The following TRAF3IP1 variants were observed in gnomAD, a reference collection of about 807,000 sequenced individuals.
TRAF3IP1 encodes intraflagellar transport 54, also known as TRAF3-interacting protein 1.
TRAF3IP1 carries 53 observed loss-of-function variants against 89.9 expected under a neutral mutation model. That is an observed-to-expected ratio of 0.59 (90% CI 0.47 to 0.74). The LOEUF (loss-of-function observed/expected upper bound fraction) is 0.74. Among genes scored for constraint, TRAF3IP1 ranks in the 30% least tolerant of loss-of-function variants. The pLI, the probability that TRAF3IP1 is intolerant of heterozygous loss-of-function variation, is 0.00. For synonymous variants in TRAF3IP1, 311 were observed against 322.1 expected, an observed-to-expected ratio of 0.97 and a Z score of 0.37; for missense variants, 806 against 866.1, an observed-to-expected ratio of 0.93 and a Z score of 0.87.
intron 15 of TRAF3IP1, among the ~76,000 whole-genome samples, chr2:238,395,647 A>T (rs181060647): frequency 2.6e-5 from 4 of 152,334 alleles, no homozygotes; most frequent in African/African-American, 9.6e-5. Flanking sequence ...ACAAAGGGCT[A>T]ATATCCAGAA....
chr2:238,389,748 A>AAATAATAATAATAAT (rs71905391), intron 15 of TRAF3IP1, among the ~76,000 whole-genome samples: 6,012 of 146,284 alleles, frequency 0.041, 185 homozygotes, highest in African/African-American at 0.081. Context: ...ACTCCATCTC[A>AAATAATAATAATAAT]AATAATAATA....
chr2:238,350,443 G>A (rs1407924210), intron 12 of TRAF3IP1, among the ~76,000 whole-genome samples: 10 of 152,164 alleles, frequency 6.6e-5, no homozygotes, highest in African/African-American at 1.2e-4. Flanking sequence ...CTCATGAGCC[G>A]TAAGAGGGTC....
At chr2:238,362,029 C>T (rs1699682877) in intron 15 of TRAF3IP1, among the ~76,000 whole-genome samples, 1 of 152,164 alleles carries the variant, frequency 6.6e-6, no homozygotes, top group Non-Finnish European at 1.5e-5. Context: ...CACCTGACCT[C>T]TCAGTTGTTA....
chr2:238,360,390 G>A (rs968994126), intron 15 of TRAF3IP1, among the ~76,000 whole-genome samples: 2 of 152,094 alleles, frequency 1.3e-5, no homozygotes, highest in Non-Finnish European at 2.9e-5. Context: ...CCTCTGGGAG[G>A]CCGAAATGTG....
chr2:238,351,566 A>G lies in TRAF3IP1; in HGVS notation c.1452-1261A>G, dbSNP rs11889412. 0.12 allele frequency among the ~76,000 whole-genome samples: 18,526 copies of G among 151,970 alleles called. 1,982 individuals carry two copies. The highest frequency in any genetic ancestry group is 0.29 in the African/African-American group (11,867 of 41,376). ...GGCAGGCACAGGGGCGCAGGTGTTG[A>G]GGAGGTGGATCGTGGGCCACAGTGA... On this transcript the variant is annotated intron_variant, in intron 12 of 16. Coordinates refer to ENST00000373327, the MANE Select transcript of TRAF3IP1 (RefSeq NM_015650.4). This position sits in a 1 kb window ranked among gnomAD's most constrained non-coding sequence, Gnocchi z 5.2.
intron 8 of TRAF3IP1, among the ~76,000 whole-genome samples, chr2:238,341,706 G>T (rs907303053): frequency 6.6e-6 from 1 of 152,068 alleles, no homozygotes; most frequent in South Asian, 2.1e-4. Flanking sequence ...CCTCCCAGCC[G>T]GGCACAGTGC....
chr2:238,329,103 C>A lies in TRAF3IP1; in HGVS notation c.676C>A (p.Pro226Thr). The A allele has an allele frequency of 6.5e-7, 1 of 1,550,276 alleles. No homozygotes were observed. The highest frequency in any genetic ancestry group is 8.7e-7 in the Non-Finnish European group (1 of 1,146,728). ...AGAGAGAGCCAAAGCCCGGGCCAGG[C>A]CAGACAACGAGCGACAGAAAGACAG... ...ERERAKARAR[P>T]DNERQKDRGN... Residue 226 changes from proline (P) to threonine (T), a missense_variant, in exon 5 of 17, where the codon CCA becomes ACA. Pro to Thr is a conservative substitution (Grantham distance 38, BLOSUM62 -1). This residue lies in a region of TRAF3IP1 where 732 missense variants were observed against 780.5 expected (regional missense o/e 0.94). Coordinates refer to ENST00000373327, the MANE Select transcript of TRAF3IP1 (RefSeq NM_015650.4).
chr2:238,357,645 G>A (rs950668557), intron 15 of TRAF3IP1, among the ~76,000 whole-genome samples: 1 of 152,198 alleles, frequency 6.6e-6, no homozygotes, highest in Non-Finnish European at 1.5e-5. Context: ...AATGCCTTCT[G>A]CAGTTTGTTT....
chr2:238,378,693 C>T (rs776229052), intron 15 of TRAF3IP1, among the ~76,000 whole-genome samples: 1 of 152,154 alleles, frequency 6.6e-6, no homozygotes, highest in East Asian at 1.9e-4. Context: ...TGGGACCCTG[C>T]GTTTTTTCCT....
chr2:238,351,071 A>T lies in TRAF3IP1; in HGVS notation c.1451+1663A>T, dbSNP rs1699130187. Among the ~76,000 whole-genome samples, 1 of 152,086 alleles carries T rather than the reference A, an allele frequency of 6.6e-6. No homozygotes were observed. The highest frequency in any genetic ancestry group is 2.4e-5 in the African/African-American group (1 of 41,424). On this transcript the variant is annotated intron_variant, in intron 12 of 16. Transcript: ENST00000373327. The surrounding 1 kb of genome is among the most constrained non-coding windows in gnomAD (Gnocchi z 5.2). ...CAGGTCCTAGGGCGGTGAGCTGGGA[A>T]TATAGATAGTGGTGGTAAAGGAGTG...
At position 238,379,687 on chromosome 2, in the gene TRAF3IP1, C is replaced by T. The variant is rs978729368; in HGVS notation, c.1690-17772C>T. 2.6e-5 allele frequency among the ~76,000 whole-genome samples: 4 copies of T among 152,330 alleles called. No homozygotes were observed. The highest frequency in any genetic ancestry group is 4.8e-5 in the African/African-American group (2 of 41,574). ...CCGCTCACATGCCAGCCATTCAGTT[C>T]AGTGGGTCTCTTGTTGCCCAGTAAC... On this transcript the variant is annotated intron_variant, in intron 15 of 16. Transcript: ENST00000373327. This position sits in a 1 kb window ranked among gnomAD's most constrained non-coding sequence, Gnocchi z 4.0.
intron 11 of TRAF3IP1, 152 bp from the exon 12 acceptor site, chr2:238,349,173 C>A: frequency 1.4e-6 from 1 of 691,372 alleles, no homozygotes; most frequent in Non-Finnish European, 2.4e-6. Flanking sequence ...GTTACTGGGA[C>A]GTTCCTCCTC....
intron 16 of TRAF3IP1, 49 bp from the exon 17 acceptor site, chr2:238,398,705 A>C (rs1701350578): frequency 6.7e-7 from 1 of 1,501,534 alleles, no homozygotes; most frequent in Non-Finnish European, 8.9e-7. Flanking sequence ...AGAAGCCAAC[A>C]CACAATGAGA....
At chr2:238,381,480 C>G (rs1239644143) in intron 15 of TRAF3IP1, among the ~76,000 whole-genome samples, 1 of 152,136 alleles carries the variant, frequency 6.6e-6, no homozygotes, top group Non-Finnish European at 1.5e-5. Flanking sequence ...CTGAGGAACT[C>G]CCAGGTTCAG....
chr2:238,327,168 G>A (rs1233012456), intron 3 of TRAF3IP1, among the ~76,000 whole-genome samples: 2 of 152,184 alleles, frequency 1.3e-5, no homozygotes, highest in Non-Finnish European at 1.5e-5. Context: ...GGCCCTGGCC[G>A]GCTGTCTCCC....
At chr2:238,331,692 T>G (rs1286766032) in intron 5 of TRAF3IP1, among the ~76,000 whole-genome samples, 2 of 152,190 alleles carry the variant, frequency 1.3e-5, no homozygotes, top group East Asian at 3.9e-4. Context: ...ATCTGGGGGC[T>G]TCTTCATTGA....
intron 15 of TRAF3IP1, among the ~76,000 whole-genome samples, chr2:238,387,734 C>T (rs568819988): frequency 6.6e-6 from 1 of 152,268 alleles, no homozygotes; most frequent in Non-Finnish European, 1.5e-5. Context: ...TATAATAAAA[C>T]ACTATTCAGA....
At chr2:238,396,371 G>A in intron 15 of TRAF3IP1, among the ~76,000 whole-genome samples, 1 of 116,756 alleles carries the variant, frequency 8.6e-6, no homozygotes, top group East Asian at 2.7e-4. Flanking sequence ...ACAATCCGGG[G>A]CCTGTTGTGG....
intron 7 of TRAF3IP1, among the ~76,000 whole-genome samples, chr2:238,335,274 T>C (rs1210603740): frequency 6.6e-6 from 1 of 152,194 alleles, no homozygotes; most frequent in Non-Finnish European, 1.5e-5. Context: ...TTTTTTTACT[T>C]AATTTCTTAT....
Sources: gnomAD v4.1 joint callset for allele counts (sites outside exome capture counted in the v4.1 genomes callset) on GRCh38, gnomAD v4.1.1 for gene constraint, gnomAD v4.1.1 regional missense constraint, Gnocchi (gnomAD v3.1) non-coding constraint, MANE v1.5 for transcripts, NCBI Gene and HGNC (gene_info 2026-07-23, HGNC 2026-07-21) for gene names.